ANXA4: variants seen among roughly 807,000 people sequenced by gnomAD.
ANXA4 encodes the protein 35-beta calcimedin.
Under a neutral mutation model 49.8 loss-of-function variants are expected in ANXA4, and 39 were observed. The observed-to-expected ratio is 0.78, with a 90% CI of 0.61 to 1.02. The LOEUF is 1.02. Ranked by LOEUF, ANXA4 falls within the 50% of genes least tolerant of loss-of-function variation. The pLI is 0.00. For missense variants in ANXA4, 360 were observed against 410.1 expected, an observed-to-expected ratio of 0.88 and a Z score of 1.05; for synonymous variants, 134 against 152.5, an observed-to-expected ratio of 0.88 and a Z score of 0.89.
chr2:69,661,732 A>G (rs2105324906), intron 2 of ANXA4, among the ~76,000 whole-genome samples: 1 of 152,304 alleles, frequency 6.6e-6, no homozygotes, highest in Admixed American at 6.5e-5. Context: ...ACATGACAGT[A>G]GGATTTCTCG....
intron 3 of ANXA4, among the ~76,000 whole-genome samples, chr2:69,788,868 A>T (rs773492037): frequency 9.2e-4 from 134 of 145,862 alleles, no homozygotes; most frequent in Non-Finnish European, 1.7e-3. Flanking sequence ...AGAGGGAAAG[A>T]AGGGAAGAAG....
intron 12 of ANXA4, among the ~76,000 whole-genome samples, chr2:69,822,243 C>T (rs1323470850): frequency 1.3e-5 from 2 of 151,994 alleles, no homozygotes; most frequent in Non-Finnish European, 2.9e-5. Flanking sequence ...CGCCTGTAGT[C>T]CCAGCTACTC....
chr2:69,666,633 A>G (rs1676946659), intron 2 of ANXA4, among the ~76,000 whole-genome samples: 1 of 152,272 alleles, frequency 6.6e-6, no homozygotes, highest in African/African-American at 2.4e-5. Context: ...GAATATTCAT[A>G]CAATGCAATA....
chr2:69,725,603 C>T (rs1001304280), intron 3 of ANXA4, among the ~76,000 whole-genome samples: 8 of 152,046 alleles, frequency 5.3e-5, no homozygotes, highest in African/African-American at 1.7e-4. Flanking sequence ...ACTTCCATCA[C>T]GCTGGTACAT....
At chr2:69,651,261 C>G (rs1332516203) in intron 1 of ANXA4, among the ~76,000 whole-genome samples, 1 of 152,160 alleles carries the variant, frequency 6.6e-6, no homozygotes, top group African/African-American at 2.4e-5. Context: ...GTCCTACCCA[C>G]TTGGGAGAAT....
chr2:69,798,801 T>C (rs1673057657), intron 3 of ANXA4, among the ~76,000 whole-genome samples: 1 of 152,174 alleles, frequency 6.6e-6, no homozygotes, highest in Non-Finnish European at 1.5e-5. Context: ...TCTGATGAAG[T>C]CACCTTCAAA....
chr2:69,764,832 T>C (rs1456190393), intron 1 of ANXA4, among the ~76,000 whole-genome samples: 3 of 152,230 alleles, frequency 2.0e-5, no homozygotes, highest in Admixed American at 6.5e-5. Context: ...AACTCTGTAC[T>C]ATTTAGCTGT....
At chr2:69,753,108 A>T (rs897737504) in intron 1 of ANXA4, among the ~76,000 whole-genome samples, 1 of 152,176 alleles carries the variant, frequency 6.6e-6, no homozygotes, top group African/African-American at 2.4e-5. Flanking sequence ...TTGTCTTTAA[A>T]CTAGTTATGT....
intron 3 of ANXA4, among the ~76,000 whole-genome samples, chr2:69,794,337 G>A (rs1232905504): frequency 2.0e-5 from 3 of 152,208 alleles, no homozygotes; most frequent in Non-Finnish European, 2.9e-5. Context: ...GAGGCAGGCT[G>A]ACCATCCTTT....
At chr2:69,807,819 G>T in intron 5 of ANXA4, 87 bp from the exon 6 acceptor site, 1 of 1,132,588 alleles carries the variant, frequency 8.8e-7, no homozygotes. Context: ...ATTCTCTGCA[G>T]ATTCATGACA....
intron 1 of ANXA4, among the ~76,000 whole-genome samples, chr2:69,751,528 A>AG (rs55872528): frequency 6.9e-6 from 1 of 145,742 alleles, no homozygotes; most frequent in Non-Finnish European, 1.5e-5. Context: ...AAAAAAAAAA[A>AG]TACAAAGTGG....
At chr2:69,646,325 G>A (rs11888850) in intron 1 of ANXA4, among the ~76,000 whole-genome samples, 21,315 of 152,112 alleles carry the variant, frequency 0.14, 3,215 homozygotes, top group East Asian at 0.39. Context: ...AATGTATATT[G>A]CTGTCTCAAC....
At chr2:69,746,470 A>G (rs1205402586) in intron 1 of ANXA4, among the ~76,000 whole-genome samples, 1 of 152,148 alleles carries the variant, frequency 6.6e-6, no homozygotes, top group Non-Finnish European at 1.5e-5. Flanking sequence ...GTTTAACTTA[A>G]TTGAAACTGA....
chr2:69,697,229 C>A (rs1678187345), intron 2 of ANXA4, among the ~76,000 whole-genome samples: 1 of 152,216 alleles, frequency 6.6e-6, no homozygotes, highest in Non-Finnish European at 1.5e-5. Context: ...TCAGCACTTG[C>A]CTCTTCACCT....
chr2:69,734,905 T>C (rs1670204505), intron 3 of ANXA4, among the ~76,000 whole-genome samples: 1 of 152,208 alleles, frequency 6.6e-6, no homozygotes, highest in South Asian at 2.1e-4. Context: ...AACAATCCCA[T>C]TCACTTGTTC....
At chr2:69,799,242 T>C (rs1238482590) in intron 3 of ANXA4, among the ~76,000 whole-genome samples, 4 of 152,172 alleles carry the variant, frequency 2.6e-5, no homozygotes. Context: ...TTCCCATACA[T>C]CTTCTTGCAG....
chr2:69,721,654 A>G (rs1172993440), intron 3 of ANXA4, among the ~76,000 whole-genome samples: 1 of 152,084 alleles, frequency 6.6e-6, no homozygotes, highest in Non-Finnish European at 1.5e-5. Context: ...AGCTGTGATC[A>G]TGCCACTGCA....
chr2:69,764,903 T>C (rs192756546), intron 1 of ANXA4, among the ~76,000 whole-genome samples: 61 of 152,376 alleles, frequency 4.0e-4, no homozygotes, highest in African/African-American at 1.4e-3. Flanking sequence ...TGAATTTGAC[T>C]ACTTTGAGTA....
At chr2:69,746,449 G>T (rs1443261528) in intron 1 of ANXA4, among the ~76,000 whole-genome samples, 1 of 151,988 alleles carries the variant, frequency 6.6e-6, no homozygotes, top group Non-Finnish European at 1.5e-5. Context: ...AGGTTTTTTT[G>T]TTTGTTTGTT....
Sources: allele counts gnomAD v4.1 joint callset (sites outside exome capture counted in the v4.1 genomes callset), GRCh38; gene constraint gnomAD v4.1.1; transcripts MANE v1.5; gene names NCBI Gene and HGNC (gene_info 2026-07-23, HGNC 2026-07-21).